SH3PXD2B: variants seen among roughly 807,000 people sequenced by gnomAD.
The protein encoded by SH3PXD2B is SH3 and PX domain-containing protein 2B.
Under a neutral mutation model 73.1 loss-of-function variants are expected in SH3PXD2B, and 37 were observed. The observed-to-expected ratio is 0.51, with a 90% CI of 0.39 to 0.67. The LOEUF (loss-of-function observed/expected upper bound fraction) is 0.67. Among genes scored for constraint, SH3PXD2B ranks in the 30% least tolerant of loss-of-function variants. The pLI, the probability that SH3PXD2B is intolerant of heterozygous loss-of-function variation, is 0.00. For missense variants in SH3PXD2B, 1,053 were observed against 1,197.8 expected (o/e 0.88, Z 1.78); for synonymous variants, 457 against 480.5 (o/e 0.95, Z 0.64).
At chr5:172,343,193 A>G (rs1756898111) in intron 12 of SH3PXD2B, among the ~76,000 whole-genome samples, 1 of 152,234 alleles carries the variant, frequency 6.6e-6, no homozygotes, top group African/African-American at 2.4e-5. Context: ...GGCCACTGAT[A>G]AATGTAAGCT....
At chr5:172,381,417 T>C (rs1026645680) in intron 5 of SH3PXD2B, among the ~76,000 whole-genome samples, 1 of 151,650 alleles carries the variant, frequency 6.6e-6, no homozygotes, top group Non-Finnish European at 1.5e-5. Flanking sequence ...CCGGCCAGAG[T>C]GTTGGTGCGT....
At chr5:172,430,927 TGCGATCTCG>T (rs1759223513) in intron 1 of SH3PXD2B, among the ~76,000 whole-genome samples, 1 of 152,000 alleles carries the variant, frequency 6.6e-6, no homozygotes, top group African/African-American at 2.4e-5. Context: ...AGTGCAGTGG[TGCGATCTCG>T]GCTCAACGCA....
chr5:172,347,510 T>TG (rs1757023799), intron 10 of SH3PXD2B, among the ~76,000 whole-genome samples, 178 bp from the exon 11 acceptor site: 1 of 152,160 alleles, frequency 6.6e-6, no homozygotes, highest in Admixed American at 6.5e-5. Context: ...GGCTCATAGT[T>TG]GGCTCAGGAC....
downstream of SH3PXD2B, among the ~76,000 whole-genome samples, chr5:172,331,698 T>C (rs1756559559): frequency 6.6e-6 from 1 of 152,172 alleles, no homozygotes; most frequent in Non-Finnish European, 1.5e-5. Context: ...ATGCCTGTAA[T>C]CCCAGCACTT....
chr5:172,451,911 C>G (rs958657398), intron 1 of SH3PXD2B, among the ~76,000 whole-genome samples: 3 of 152,178 alleles, frequency 2.0e-5, no homozygotes, highest in African/African-American at 7.2e-5. Flanking sequence ...GCCCATTGCC[C>G]CTCCTCATCT....
intron 12 of SH3PXD2B, among the ~76,000 whole-genome samples, chr5:172,342,899 G>A (rs980960515): frequency 6.6e-6 from 1 of 152,236 alleles, no homozygotes; most frequent in Non-Finnish European, 1.5e-5. Context: ...GGACGCAAAT[G>A]CTGGGCTCCT....
At chr5:172,349,185 C>T (rs761908409) in intron 10 of SH3PXD2B, among the ~76,000 whole-genome samples, 1 of 152,248 alleles carries the variant, frequency 6.6e-6, no homozygotes, top group Non-Finnish European at 1.5e-5. Flanking sequence ...AGTGACTTCT[C>T]AGGGCAGCTG....
At chr5:172,426,893 G>T (rs1759107188) in intron 1 of SH3PXD2B, among the ~76,000 whole-genome samples, 1 of 152,216 alleles carries the variant, frequency 6.6e-6, no homozygotes, top group South Asian at 2.1e-4. Context: ...ACATTTCCCA[G>T]ATGCAAGACA....
intron 9 of SH3PXD2B, 101 bp from the exon 10 acceptor site, chr5:172,350,690 A>AACG: frequency 1.6e-6 from 2 of 1,220,556 alleles, no homozygotes; most frequent in Non-Finnish European, 2.3e-6. Context: ...AGGGAGCAGG[A>AACG]ACGACGGGTT....
intron 1 of SH3PXD2B, among the ~76,000 whole-genome samples, chr5:172,439,261 AAACAAAAACAAAAAC>A (rs1183989691): frequency 2.7e-5 from 2 of 72,742 alleles, no homozygotes; most frequent in African/African-American, 5.4e-5. Context: ...GAAAAAAAAA[AAACAAAAACAAAAAC>A]AAAACAAAAA....
At chr5:172,368,746 T>TATATATA (rs1757630952) in intron 6 of SH3PXD2B, among the ~76,000 whole-genome samples, 1 of 102,578 alleles carries the variant, frequency 9.7e-6, no homozygotes, top group Non-Finnish European at 1.8e-5. Context: ...ATATATGTAA[T>TATATATA]ATATATATAT....
intron 12 of SH3PXD2B, among the ~76,000 whole-genome samples, chr5:172,340,159 G>C (rs1237939129): frequency 2.0e-5 from 3 of 152,186 alleles, no homozygotes; most frequent in Non-Finnish European, 4.4e-5. Context: ...TGTGGCCTTG[G>C]GTATAGGTAC....
In SH3PXD2B at chr5:172,335,480, A is replaced by G. The variant is rs951757654; in HGVS notation, c.*2889T>C. ...TCGAGATCTCAGTCCCAGCTTGGCC[A>G]CTATTTGGACCTTCTCCCTCTGAAC... On this transcript the variant is annotated 3_prime_UTR_variant, in exon 13 of 13. Coordinates refer to ENST00000311601, the MANE Select transcript of SH3PXD2B (RefSeq NM_001017995.3). The G allele has an allele frequency of 8.1e-7, 1 of 1,231,236 alleles. No individual in the cohort carries two copies. The allele number at this position is 1,231,236 out of a possible 1,614,324, so 76.3% of individuals were successfully genotyped here. A position where few individuals can be genotyped will look rare whatever the true frequency, so the allele number is the denominator to read the frequency against.
rs141387167 is a variant in SH3PXD2B at position 172,447,424 on chromosome 5, C to G, written c.75+6854G>C. Among the ~76,000 whole-genome samples the G allele has an allele frequency of 3.5e-4, 54 of 152,324 alleles. 1 individual carries two copies. The highest frequency in any genetic ancestry group is 1.3e-3 in the African/African-American group (53 of 41,572). ...AGCACGTTTTATCTTTGCATCTCTA[C>G]TGATGCACTTTTAAGTAGTTACCAA... On this transcript the variant is annotated intron_variant, in intron 1 of 12. Transcript: ENST00000311601.
chr5:172,381,684 TC>T lies in SH3PXD2B; in HGVS notation c.401+351del, dbSNP rs1435301613. Reference sequence around the variant, plus strand: ...CTCCCGCATTCACATCCCTGGCAGTTCCCGAGCACACCCACCTCCACCTCTG... The same window carrying T: ...CTCCCGCATTCACATCCCTGGCAGTTCCGAGCACACCCACCTCCACCTCTG... On this transcript the variant is annotated intron_variant, in intron 5 of 12. Transcript: ENST00000311601. Among the ~76,000 whole-genome samples the T allele has an allele frequency of 4.6e-5, 7 of 152,152 alleles. 1 individual carries two copies. Among genetic ancestry groups the T allele is most frequent in the South Asian group, 2.1e-4 (1 of 4,826 alleles).
chr5:172,419,420 C>A (rs1240672415), intron 2 of SH3PXD2B, among the ~76,000 whole-genome samples: 1 of 152,110 alleles, frequency 6.6e-6, no homozygotes, highest in African/African-American at 2.4e-5. Flanking sequence ...GATCCAGGGC[C>A]CTTAGGACAA....
chr5:172,380,070 T>C (rs1757909941), intron 5 of SH3PXD2B, among the ~76,000 whole-genome samples: 1 of 152,104 alleles, frequency 6.6e-6, no homozygotes, highest in South Asian at 2.1e-4. Flanking sequence ...TTTGTTTTTG[T>C]TTTTGAGACA....
chr5:172,406,578 G>A (rs1758564077), intron 2 of SH3PXD2B, among the ~76,000 whole-genome samples: 1 of 152,164 alleles, frequency 6.6e-6, no homozygotes, highest in Non-Finnish European at 1.5e-5. Flanking sequence ...TGAAGGTTCA[G>A]AGTTAGGAGA....
At chr5:172,368,167 T>A (rs969767880) in intron 6 of SH3PXD2B, among the ~76,000 whole-genome samples, 1 of 152,030 alleles carries the variant, frequency 6.6e-6, no homozygotes, top group African/African-American at 2.4e-5. Flanking sequence ...TCCAGATATG[T>A]GCATAGCCTT....
Sources: allele counts gnomAD v4.1 joint callset (sites outside exome capture counted in the v4.1 genomes callset), GRCh38; gene constraint gnomAD v4.1.1; transcripts MANE v1.5; gene names NCBI Gene and HGNC (gene_info 2026-07-23, HGNC 2026-07-21).